The following SLC37A3 variants were observed in gnomAD, a reference collection of about 807,000 sequenced individuals.
The protein encoded by SLC37A3 is sugar phosphate exchanger 3.
In SLC37A3, 51 loss-of-function variants were observed where a neutral mutation model predicts 67.1. That is an observed-to-expected ratio of 0.76 (90% confidence interval 0.61 to 0.96). The LOEUF is 0.96. SLC37A3 is among the 40% of genes least tolerant of loss of function. The pLI is 0.00. For synonymous variants in SLC37A3, 214 were observed against 231.4 expected, an observed-to-expected ratio of 0.92 and a Z score of 0.68; for missense variants, 508 against 603.0, an observed-to-expected ratio of 0.84 and a Z score of 1.65.
Position 140,335,165 on chromosome 7 carries a change from C to A in SLC37A3, c.*247G>T. On this transcript the variant is annotated 3_prime_UTR_variant, in exon 15 of 15. Transcript: ENST00000326232. ...CAGAGTCAGAGGTCAAAGATGCTGG[C>A]AGAGTCAGAAGTCACTCGGCACATT... The A allele has an allele frequency of 6.7e-7, 1 of 1,503,502 alleles. No homozygotes were observed. The highest frequency in any genetic ancestry group is 9.0e-7 in the Non-Finnish European group (1 of 1,107,020). The allele number at this position is 1,503,502 out of a possible 1,614,324, so 93.1% of individuals were successfully genotyped here.
intron 3 of SLC37A3, among the ~76,000 whole-genome samples, chr7:140,373,020 C>T (rs552608054): frequency 2.0e-5 from 3 of 152,144 alleles, no homozygotes; most frequent in South Asian, 2.1e-4. Context: ...GGCGCGATCT[C>T]GGCTCACTGC....
intron 1 of SLC37A3, among the ~76,000 whole-genome samples, chr7:140,383,449 C>A (rs1329101827): frequency 6.6e-6 from 1 of 151,966 alleles, no homozygotes; most frequent in Non-Finnish European, 1.5e-5. Context: ...CAACCCTGGG[C>A]AACAAAGTGA....
chr7:140,369,620 C>T lies in SLC37A3; in HGVS notation c.261G>A (p.Leu87=). The change falls in exon 4 of 15, where the codon CTG becomes CTA. Residue 87 remains leucine, a synonymous_variant. Coordinates refer to ENST00000326232, the MANE Select transcript of SLC37A3 (RefSeq NM_207113.3). The part of the protein sequence containing the change: ...AEKATLFLGT[L]DTIFLFSYAV... ...CATAGGAGAAGAGGAAAATGGTATC[C>T]AGTGTGCCGAGGAAAAGAGTCGCTT... The T allele has an allele frequency of 1.2e-6, 2 of 1,613,938 alleles. No individual in the cohort carries two copies. The highest frequency in any genetic ancestry group is 2.2e-5 in the South Asian group (2 of 91,064).
At chr7:140,395,785 A>C (rs999816571) in intron 1 of SLC37A3, among the ~76,000 whole-genome samples, 5 of 152,150 alleles carry the variant, frequency 3.3e-5, no homozygotes, top group Admixed American at 6.6e-5. Context: ...GGGAAAAAAA[A>C]CATCTTACTG....
At chr7:140,373,342 G>C (rs1456947197) in intron 3 of SLC37A3, among the ~76,000 whole-genome samples, 1 of 152,196 alleles carries the variant, frequency 6.6e-6, no homozygotes, top group Non-Finnish European at 1.5e-5. Context: ...ATTTCGACTT[G>C]AAAGAATGAC....
intron 3 of SLC37A3, among the ~76,000 whole-genome samples, chr7:140,375,489 AT>A (rs1247046607): frequency 6.8e-6 from 1 of 147,392 alleles, no homozygotes; most frequent in Non-Finnish European, 1.5e-5. Context: ...AAAAAAAAAA[AT>A]TAAATCTAAA....
At chr7:140,380,127 C>T in intron 3 of SLC37A3, 155 bp downstream of exon 3, 3 of 446,650 alleles carry the variant, frequency 6.7e-6, no homozygotes, top group Non-Finnish European at 1.2e-5. Context: ...TCAGAGCAGG[C>T]TTTGAAATTA....
At position 140,349,540 on chromosome 7, in the gene SLC37A3, G is replaced by T. The variant is rs565722012; in HGVS notation, c.883-773C>A. The stretch of plus-strand genomic sequence containing the variant: ...TGACATTCAGCATCAAAGGAAAAAG[G>T]GGGGGGGGACAGAGGGGCTGACTTC... On this transcript the variant is annotated intron_variant, in intron 9 of 14. Coordinates refer to ENST00000326232, the MANE Select transcript of SLC37A3 (RefSeq NM_207113.3). Among the ~76,000 whole-genome samples, 341 of 109,408 alleles carry T rather than the reference G, an allele frequency of 3.1e-3. 3 individuals carry two copies. The highest frequency in any genetic ancestry group is 0.016 in the African/African-American group (306 of 19,624). The allele number at this position is 109,408 out of a possible 152,430, so 71.8% of individuals were successfully genotyped here.
intron 1 of SLC37A3, among the ~76,000 whole-genome samples, chr7:140,383,752 C>T (rs1037824401): frequency 2.6e-5 from 4 of 152,158 alleles, no homozygotes; most frequent in Non-Finnish European, 4.4e-5. Flanking sequence ...TCTCGACTCA[C>T]TGCAACCTCC....
Position 140,355,692 on chromosome 7 carries a change from A to C in SLC37A3, c.594T>G (p.Ser198=). 2 of 1,614,042 alleles carry C rather than the reference A, an allele frequency of 1.2e-6. No homozygotes were observed. The highest frequency in any genetic ancestry group is 1.7e-6 in the Non-Finnish European group (2 of 1,179,964). Residue 198 remains serine, a synonymous_variant, in exon 7 of 15, where the codon TCT becomes TCG. Coordinates refer to ENST00000326232, the MANE Select transcript of SLC37A3 (RefSeq NM_207113.3). ...CCTCATAACCATACTGAAGAACAGA[A>C]GAAGCTAGGCACGCTCCCAAAATGT... ...VGNILGACLA[S]SVLQYGYEYA... is the part of the protein sequence containing the mutation.
At chr7:140,397,168 C>G (rs1268400039) in intron 1 of SLC37A3, among the ~76,000 whole-genome samples, 2 of 145,366 alleles carry the variant, frequency 1.4e-5, no homozygotes, top group African/African-American at 5.0e-5. Flanking sequence ...CCACGGCACT[C>G]CAGCCTGGGC....
Position 140,343,548 on chromosome 7 carries a change from C to T in SLC37A3, c.1190G>A (p.Gly397Glu), listed in dbSNP as rs1331082184. Reference protein sequence around the residue: ...LMTVTGFFIGGPSNMISSAIS... With the variant: ...LMTVTGFFIGEPSNMISSAIS... ...AGCAGAACTAATCATATTAGAAGGTCCACCAATAAAAAATCCTGAAGTCAT... is the reference window on the plus strand; with the variant it reads ...AGCAGAACTAATCATATTAGAAGGTTCACCAATAAAAAATCCTGAAGTCAT... Residue 397 changes from glycine (G) to glutamate (E), a missense_variant, in exon 13 of 15, where the codon GGA (glycine) becomes GAA (glutamate). Gly to Glu is a moderately conservative substitution (Grantham distance 98). Coordinates refer to ENST00000326232, the MANE Select transcript of SLC37A3 (RefSeq NM_207113.3). 1 of 1,614,030 alleles carries T rather than the reference C, an allele frequency of 6.2e-7. No individual in the cohort carries two copies. Among genetic ancestry groups the T allele is most frequent in the East Asian group, 2.2e-5 (1 of 44,860 alleles).
intron 5 of SLC37A3, among the ~76,000 whole-genome samples, chr7:140,362,881 C>G (rs1399032596): frequency 1.6e-5 from 1 of 60,832 alleles, no homozygotes; most frequent in African/African-American, 6.1e-5. Flanking sequence ...CCCGGCCAGC[C>G]GCCCCGTCCG....
At chr7:140,337,024 G>A (rs569778893) in intron 14 of SLC37A3, among the ~76,000 whole-genome samples, 98 of 150,534 alleles carry the variant, frequency 6.5e-4, no homozygotes, top group Non-Finnish European at 1.2e-3. Flanking sequence ...GCTTGAACCC[G>A]GGAGGCAGAG....
intron 11 of SLC37A3, 89 bp from the exon 12 acceptor site, chr7:140,345,352 G>C (rs987676677): frequency 1.0e-6 from 1 of 954,852 alleles, no homozygotes; most frequent in East Asian, 2.5e-5. Flanking sequence ...CTGAATCTCC[G>C]TGACCTCACA....
rs1419990963 is a variant in SLC37A3, at chr7:140,345,935, G to A, written c.1060C>T (p.Gln354Ter). The A allele has an allele frequency of 2.5e-6, 4 of 1,613,994 alleles. No individual in the cohort carries two copies. Among genetic ancestry groups the A allele is most frequent in the East Asian group, 2.2e-5 (1 of 44,874 alleles). The change falls in exon 11 of 15, where the codon CAG (glutamine) becomes TAG (stop). Residue 354 changes from glutamine (Q) to a stop codon, truncating the protein, a stop_gained. Transcript: ENST00000326232. LOFTEE classifies it high-confidence loss of function. Reference protein sequence around the residue: ...TLQGFISDVLQKRAPVLALSL... With the variant: ...TLQGFISDVL ...AGGGCAAGAACCGGCGCTCTCTTCT[G>A]TAGTACATCAGAGATGAAGCCTTGC...
At chr7:140,356,615 G>A (rs980870906) in intron 6 of SLC37A3, among the ~76,000 whole-genome samples, 8 of 151,944 alleles carry the variant, frequency 5.3e-5, no homozygotes, top group Non-Finnish European at 7.4e-5. Context: ...ACCAGGAGGC[G>A]GAGGTTGCAG....
chr7:140,348,522 G>T (rs968186551), intron 10 of SLC37A3, 104 bp downstream of exon 10: 42 of 1,250,234 alleles, frequency 3.4e-5, no homozygotes, highest in Non-Finnish European at 4.4e-5. Flanking sequence ...GAAAATGGCT[G>T]TAGAATAAGT....
chr7:140,383,775 C>T (rs1798345920), intron 1 of SLC37A3, among the ~76,000 whole-genome samples: 1 of 152,136 alleles, frequency 6.6e-6, no homozygotes, highest in African/African-American at 2.4e-5. Flanking sequence ...TTCCCAGGCT[C>T]AAGCGATTCT....
Sources: allele counts gnomAD v4.1 joint callset (sites outside exome capture counted in the v4.1 genomes callset), GRCh38; gene constraint gnomAD v4.1.1; transcripts MANE v1.5; gene names NCBI Gene and HGNC (gene_info 2026-07-23, HGNC 2026-07-21).